The following TSEN15 variants were observed in gnomAD, a reference collection of about 807,000 sequenced individuals.
TSEN15 encodes tRNA-splicing endonuclease subunit Sen15.
TSEN15 carries 10 observed loss-of-function variants against 20.5 expected under a neutral mutation model. That is an observed-to-expected ratio of 0.49 (90% CI 0.30 to 0.83). The LOEUF (loss-of-function observed/expected upper bound fraction) is 0.83. Ranked by LOEUF, TSEN15 falls within the 40% of genes least tolerant of loss-of-function variation. The pLI, the probability that TSEN15 is intolerant of heterozygous loss-of-function variation, is 0.06. For missense variants in TSEN15, 180 were observed against 218.6 expected, an observed-to-expected ratio of 0.82 and a Z score of 1.11; for synonymous variants, 72 against 80.1, an observed-to-expected ratio of 0.90 and a Z score of 0.54.
At chr1:184,094,935 C>A in intron 3 of TSEN15, 1 of 398,310 alleles carries the variant, frequency 2.5e-6, no homozygotes, top group South Asian at 1.3e-4. Flanking sequence ...CAGACATGGC[C>A]TCTGAGGAGT....
At chr1:184,066,204 C>T (rs1160934972) in intron 3 of TSEN15, among the ~76,000 whole-genome samples, 3 of 151,030 alleles carry the variant, frequency 2.0e-5, no homozygotes, top group African/African-American at 7.3e-5. Context: ...GGTGAATATC[C>T]AGTTACTCTA....
At chr1:184,085,651 C>A (rs893916504) in intron 3 of TSEN15, among the ~76,000 whole-genome samples, 12 of 152,126 alleles carry the variant, frequency 7.9e-5, no homozygotes, top group Non-Finnish European at 1.2e-4. Flanking sequence ...AACTAGAGGA[C>A]CAGCCTTGCG....
At chr1:184,057,845 T>G (rs1650303116) in intron 3 of TSEN15, among the ~76,000 whole-genome samples, 1 of 152,158 alleles carries the variant, frequency 6.6e-6, no homozygotes, top group Non-Finnish European at 1.5e-5. Context: ...AAATAGTTGT[T>G]AGCATTGACA....
intron 3 of TSEN15, chr1:184,070,673 T>C: frequency 7.7e-6 from 10 of 1,290,326 alleles, no homozygotes; most frequent in South Asian, 1.3e-5. Context: ...AAGATTTGCA[T>C]TGAAGAAGCA....
Position 184,055,069 on chromosome 1 carries a change from TA to T in TSEN15, c.353+216del, listed in dbSNP as rs11359086. On this transcript the variant is annotated intron_variant, in intron 3 of 4. Coordinates refer to ENST00000645668, the MANE Select transcript of TSEN15 (RefSeq NM_052965.4). Reference sequence around the variant, plus strand: ...AAATACCTGAGACTGAGTAATTTCTTAAAAAAAAAAGAAGAGGTTTAAGTGG... The same window carrying T: ...AAATACCTGAGACTGAGTAATTTCTTAAAAAAAAAGAAGAGGTTTAAGTGG... 0.88 allele frequency: 351,316 copies of T among 401,150 alleles called. 153,858 individuals are homozygous for T. Among genetic ancestry groups the T allele is most frequent in the East Asian group, 0.99 (23,050 of 23,372 alleles). The allele number at this position is 401,150 out of a possible 1,614,324, so 24.8% of individuals were successfully genotyped here.
chr1:184,071,902 C>T lies in TSEN15; in HGVS notation c.354-255C>T, dbSNP rs1231968387. ...AGATACACTTCAGATTCAGAGACAA[C>T]AATTTTGGAAAACTGTCAACTATTT... On this transcript the variant is annotated intron_variant, in intron 3 of 4. Transcript: ENST00000645668. The T allele has an allele frequency of 4.0e-5, 15 of 373,830 alleles. No individual in the cohort carries two copies. The Admixed American group carries it at 5.8e-4, about 15-fold the overall frequency. The allele number at this position is 373,830 out of a possible 1,614,324, so 23.2% of individuals were successfully genotyped here. A position where few individuals can be genotyped will look rare whatever the true frequency, so the allele number is the denominator to read the frequency against.
chr1:184,071,394 T>G (rs1572714666), intron 3 of TSEN15, among the ~76,000 whole-genome samples: 1 of 152,126 alleles, frequency 6.6e-6, no homozygotes, highest in East Asian at 1.9e-4. Context: ...TTTTCCTTTC[T>G]CCTCTTAACT....
intron 3 of TSEN15, among the ~76,000 whole-genome samples, chr1:184,086,758 A>G (rs898823426): frequency 6.6e-6 from 1 of 152,190 alleles, no homozygotes; most frequent in Admixed American, 6.5e-5. Flanking sequence ...AGAGAGTGAG[A>G]GAGAGCTAGA....
chr1:184,052,077 A>C (rs1306735330), intron 1 of TSEN15, among the ~76,000 whole-genome samples, 187 bp downstream of exon 1: 1 of 152,182 alleles, frequency 6.6e-6, no homozygotes, highest in Non-Finnish European at 1.5e-5. Flanking sequence ...AACAAGTTGC[A>C]CTATCTCAAT....
Position 184,054,827 on chromosome 1 carries a change from T to A in TSEN15, c.317T>A (p.Val106Glu), listed in dbSNP as rs1167361165. The A allele has an allele frequency of 1.2e-6, 2 of 1,611,446 alleles. No homozygotes were observed. The highest frequency in any genetic ancestry group is 4.5e-5 in the East Asian group (2 of 44,876). Reference sequence around the variant, plus strand: ...GAAGGGGAGGGGTTACAGACTGTGGTGCCTACCCCCATCACTGCTTCCCTC... The same window carrying A: ...GAAGGGGAGGGGTTACAGACTGTGGAGCCTACCCCCATCACTGCTTCCCTC... Reference protein sequence around the residue: ...EIEGEGLQTVVPTPITASLSH... With the variant: ...EIEGEGLQTVEPTPITASLSH... The change falls in exon 3 of 5, where the codon GTG becomes GAG. Residue 106 changes from valine (V) to glutamate (E), a missense_variant. Val to Glu is a moderately radical substitution (Grantham distance 121). Transcript: ENST00000645668.
At chr1:184,092,069 A>G (rs1458693019) in intron 3 of TSEN15, among the ~76,000 whole-genome samples, 2 of 152,224 alleles carry the variant, frequency 1.3e-5, no homozygotes, top group Non-Finnish European at 2.9e-5. Flanking sequence ...GCTGGTGATT[A>G]TTTAAAAGGC....
chr1:184,058,229 A>G, intron 3 of TSEN15: 1 of 423,394 alleles, frequency 2.4e-6, no homozygotes, highest in South Asian at 1.8e-5. Flanking sequence ...AATTAGTTGG[A>G]ATGATAACTT....
intron 3 of TSEN15, among the ~76,000 whole-genome samples, chr1:184,061,860 A>G (rs1176171791): frequency 6.6e-6 from 1 of 152,120 alleles, no homozygotes. Flanking sequence ...GACAGATTCC[A>G]TTACAGGGTG....
rs1651119946 is a variant in TSEN15 at position 184,079,297 on chromosome 1, A to G, written c.354-16393A>G. Among the ~76,000 whole-genome samples, 3 of 152,190 alleles carry G rather than the reference A, an allele frequency of 2.0e-5. 1 individual carries two copies. Among genetic ancestry groups the G allele is most frequent in the Admixed American group, 1.3e-4 (2 of 15,266 alleles). ...TGGCCTTTTAGGTTTCTGGGTACTA[A>G]GGGGAAGTAATAAGAAGTATTTTAT... On this transcript the variant is annotated intron_variant, in intron 3 of 3. Transcript: ENST00000643231.
chr1:184,083,571 G>T (rs569078221), intron 3 of TSEN15, among the ~76,000 whole-genome samples: 24 of 152,082 alleles, frequency 1.6e-4, no homozygotes, highest in Non-Finnish European at 2.1e-4. Context: ...ATTGTGGATT[G>T]TACTTCTGTT....
At chr1:184,072,796 A>T (rs377053571) in intron 4 of TSEN15, 31 bp from the exon 5 acceptor site, 3 of 1,592,124 alleles carry the variant, frequency 1.9e-6, no homozygotes, top group Non-Finnish European at 2.6e-6. Flanking sequence ...TTTATCGGAG[A>T]AAAGTCCATC....
downstream of TSEN15, among the ~76,000 whole-genome samples, chr1:184,076,689 A>G (rs1362815862): frequency 1.3e-5 from 2 of 152,192 alleles, no homozygotes; most frequent in African/African-American, 4.8e-5. Flanking sequence ...AGAAATGAAA[A>G]GTGCTACTCC....
intron 3 of TSEN15, among the ~76,000 whole-genome samples, chr1:184,089,397 C>A (rs1281079920): frequency 1.3e-5 from 2 of 151,936 alleles, no homozygotes; most frequent in Non-Finnish European, 2.9e-5. Flanking sequence ...TTGGCTAATC[C>A]CACTTCTGGA....
intron 3 of TSEN15, among the ~76,000 whole-genome samples, chr1:184,086,927 T>C (rs1439990454): frequency 6.6e-6 from 1 of 151,924 alleles, no homozygotes; most frequent in Non-Finnish European, 1.5e-5. Context: ...AAGGGGGGAG[T>C]ATCAAAAGGA....
Sources: allele counts gnomAD v4.1 joint callset (sites outside exome capture counted in the v4.1 genomes callset), GRCh38; gene constraint gnomAD v4.1.1; transcripts MANE v1.5; gene names NCBI Gene and HGNC (gene_info 2026-07-23, HGNC 2026-07-21).